CNTLN: variants seen among roughly 807,000 people sequenced by gnomAD.
The protein encoded by CNTLN is centlein, centrosomal protein.
In CNTLN, 212 loss-of-function variants were observed where a neutral mutation model predicts 180.0. The observed-to-expected ratio is 1.18, with a 90% confidence interval of 1.05 to 1.32. The LOEUF is 1.32. Ranked by LOEUF, CNTLN falls within the 40% of genes most tolerant of loss-of-function variation. The pLI is 0.00. For synonymous variants in CNTLN, 722 were observed against 563.1 expected (o/e 1.28, Z -3.99); for missense variants, 2,095 against 1,610.9 (o/e 1.30, Z -5.14).
At chr9:17,214,882 G>A (rs531971893) in intron 2 of CNTLN, among the ~76,000 whole-genome samples, 21 of 152,104 alleles carry the variant, frequency 1.4e-4, no homozygotes, top group Non-Finnish European at 8.8e-5. Flanking sequence ...CGTAGTCCTC[G>A]TGCCATGGTT....
At chr9:17,143,694 T>C (rs972541439) in intron 2 of CNTLN, among the ~76,000 whole-genome samples, 2 of 152,196 alleles carry the variant, frequency 1.3e-5, no homozygotes, top group African/African-American at 4.8e-5. Flanking sequence ...GTCCCTGTTG[T>C]TTGACTTTTT....
At chr9:17,510,131 G>A in the CNTLN span, among the ~76,000 whole-genome samples, 1 of 152,050 alleles carries the variant, frequency 6.6e-6, no homozygotes, top group Non-Finnish European at 1.5e-5. Context: ...ATTCATTCAG[G>A]ACTGCTAATG....
At chr9:17,444,238 G>C (rs1355412095) in intron 18 of CNTLN, 1 of 152,146 alleles carries the variant, frequency 6.6e-6, no homozygotes, top group Non-Finnish European at 1.5e-5. Flanking sequence ...CATGCGTATT[G>C]GCCATGTGGT....
At chr9:17,338,161 TTTTC>T (rs1054208928) in intron 10 of CNTLN, among the ~76,000 whole-genome samples, 4 of 149,916 alleles carry the variant, frequency 2.7e-5, no homozygotes, top group African/African-American at 7.4e-5. Flanking sequence ...CTTTCTTTCT[TTTTC>T]TTTCTTTTTT....
At chr9:17,183,748 A>C (rs1821263516) in intron 2 of CNTLN, among the ~76,000 whole-genome samples, 1 of 152,158 alleles carries the variant, frequency 6.6e-6, no homozygotes, top group Non-Finnish European at 1.5e-5. Context: ...TATTTAAAGT[A>C]GTTGGGAAGT....
chr9:17,346,582 AACATGC>A (rs1752819396), intron 12 of CNTLN, among the ~76,000 whole-genome samples: 1 of 152,242 alleles, frequency 6.6e-6, no homozygotes, highest in Admixed American at 6.5e-5. Flanking sequence ...TTTCTGATGC[AACATGC>A]ACTGTTGAAT....
chr9:17,265,361 T>C (rs112385526), intron 5 of CNTLN, among the ~76,000 whole-genome samples: 1,590 of 152,338 alleles, frequency 0.01, 28 homozygotes, highest in African/African-American at 0.035. Context: ...TTGCGTATGT[T>C]GTAACAGCCT....
At position 17,261,121 on chromosome 9, in the gene CNTLN, G is replaced by A. The variant is rs1022481973; in HGVS notation, c.850-12612G>A. ...GAGGTTGGATAATGTGATGCATCTGGCTTTGTTCATTTTGCTTAGGATTGC... is the reference window on the plus strand; with the variant it reads ...GAGGTTGGATAATGTGATGCATCTGACTTTGTTCATTTTGCTTAGGATTGC... On this transcript the variant is annotated intron_variant, in intron 5 of 25. Transcript: ENST00000380647. Among the ~76,000 whole-genome samples the A allele has an allele frequency of 1.3e-4, 19 of 151,532 alleles. 1 individual carries two copies. Among genetic ancestry groups the A allele is most frequent in the East Asian group, 3.9e-4 (2 of 5,154 alleles).
chr9:17,225,976 T>C (rs75836339), intron 2 of CNTLN, among the ~76,000 whole-genome samples: 1,585 of 152,184 alleles, frequency 0.01, 28 homozygotes, highest in African/African-American at 0.035. Context: ...GGTTAAACTA[T>C]GTTTTATGTA....
intron 12 of CNTLN, among the ~76,000 whole-genome samples, chr9:17,348,499 G>C (rs887334597): frequency 6.6e-6 from 1 of 151,648 alleles, no homozygotes; most frequent in African/African-American, 2.4e-5. Context: ...GAAAGTGCAG[G>C]CTTCTCACTC....
chr9:17,514,296 C>A, the CNTLN span, among the ~76,000 whole-genome samples: 8 of 152,136 alleles, frequency 5.3e-5, no homozygotes, highest in African/African-American at 1.7e-4. Context: ...AGAGACAGAG[C>A]AAGATGCTGT....
chr9:17,479,718 T>C lies in CNTLN; in HGVS notation c.3856-4577T>C, dbSNP rs527856366. ...CAATAAAATTAGAAGAAAAGAAAAA[T>C]TCATGAAGGAAATAGTTGACTCTAG... On this transcript the variant is annotated intron_variant, in intron 23 of 25. Coordinates refer to ENST00000380647, the MANE Select transcript of CNTLN (RefSeq NM_017738.4). Among the ~76,000 whole-genome samples the C allele has an allele frequency of 2.0e-5, 3 of 151,724 alleles. No homozygotes were observed. In the South Asian group the frequency reaches 6.3e-4, roughly 32 times the overall value.
At chr9:17,319,134 G>A (rs1255763253) in intron 8 of CNTLN, among the ~76,000 whole-genome samples, 2 of 152,222 alleles carry the variant, frequency 1.3e-5, no homozygotes, top group Non-Finnish European at 2.9e-5. Flanking sequence ...AACAACGTAT[G>A]TCATTTTGTT....
Position 17,288,288 on chromosome 9 carries a change from G to T in CNTLN, c.984-9902G>T, listed in dbSNP as rs1327774484. On this transcript the variant is annotated intron_variant, in intron 6 of 25. Coordinates refer to ENST00000380647, the MANE Select transcript of CNTLN (RefSeq NM_017738.4). ...GTACCCAGTAGTCATTCAGGAGCAG[G>T]TTGTTCAGTTTCCATGTAGTTGAGC... Among the ~76,000 whole-genome samples, 18 of 116,442 alleles carry T rather than the reference G, an allele frequency of 1.5e-4. 3 individuals are homozygous for T. The highest frequency in any genetic ancestry group is 2.9e-4 in the Non-Finnish European group (17 of 57,984). The allele number at this position is 116,442 out of a possible 152,430, so 76.4% of individuals were successfully genotyped here. A position where few individuals can be genotyped will look rare whatever the true frequency, so the allele number is the denominator to read the frequency against.
At chr9:17,383,186 T>C (rs1825397171) in intron 13 of CNTLN, among the ~76,000 whole-genome samples, 1 of 152,160 alleles carries the variant, frequency 6.6e-6, no homozygotes, top group Non-Finnish European at 1.5e-5. Flanking sequence ...TATAAATGAT[T>C]TATACACAGA....
At chr9:17,205,433 A>G (rs1822847379) in intron 2 of CNTLN, among the ~76,000 whole-genome samples, 1 of 152,204 alleles carries the variant, frequency 6.6e-6, no homozygotes, top group African/African-American at 2.4e-5. Flanking sequence ...TGGAAGATTC[A>G]CCACCAGACT....
rs898138601 is a variant in CNTLN, at chr9:17,235,742, G to A, written c.619G>A (p.Glu207Lys). 4 of 1,606,008 alleles carry A rather than the reference G, an allele frequency of 2.5e-6. No homozygotes were observed. Among genetic ancestry groups the A allele is most frequent in the African/African-American group, 1.3e-5 (1 of 74,462 alleles). ...TGAAGAAAATGCTTTCTTAAGGAAAGAATTCAGTGACTTGGAGAAGAAATT... is the reference window on the plus strand; with the variant it reads ...TGAAGAAAATGCTTTCTTAAGGAAAAAATTCAGTGACTTGGAGAAGAAATT... ...VDEENAFLRK[E>K]FSDLEKKFKD... Residue 207 changes from glutamate to lysine, a missense_variant, in exon 4 of 26, where the codon GAA becomes AAA. Glu to Lys is a moderately conservative substitution (Grantham distance 56, BLOSUM62 1). Transcript: ENST00000380647.
At chr9:17,193,762 A>C (rs554588871) in intron 2 of CNTLN, among the ~76,000 whole-genome samples, 3 of 152,290 alleles carry the variant, frequency 2.0e-5, no homozygotes, top group African/African-American at 7.2e-5. Context: ...TCGCCCTAGT[A>C]GGTGCTCTGT....
At position 17,236,443 on chromosome 9, in the gene CNTLN, A is replaced by C; in HGVS notation, c.704A>C (p.Gln235Pro). The C allele has an allele frequency of 6.2e-7, 1 of 1,613,594 alleles. No homozygotes were observed. The highest frequency in any genetic ancestry group is 1.1e-5 in the South Asian group (1 of 91,042). The change falls in exon 5 of 26, where the codon CAA becomes CCA. Residue 235 changes from glutamine (Q) to proline (P), a missense_variant. Transcript: ENST00000380647. ...GAGTGTGTACAGAACAAAGAAGAGC[A>C]AAACAGACTAGTTATAAAAAATCTG... The part of the protein sequence containing the change: ...TKECVQNKEE[Q>P]NRLVIKNLEE...
Sources: gnomAD v4.1 joint callset for allele counts (sites outside exome capture counted in the v4.1 genomes callset) on GRCh38, gnomAD v4.1.1 for gene constraint, MANE v1.5 for transcripts, NCBI Gene and HGNC (gene_info 2026-07-23, HGNC 2026-07-21) for gene names.